PFKFB2: variants seen among roughly 807,000 people sequenced by gnomAD.
The protein encoded by PFKFB2 is 6-phosphofructo-2-kinase/fructose-2,6-bisphosphatase 2.
PFKFB2 carries 53 observed loss-of-function variants against 68.0 expected under a neutral mutation model. The ratio of observed to expected loss-of-function variants is 0.78; its 90% CI spans 0.63 to 0.98. The LOEUF (loss-of-function observed/expected upper bound fraction) is 0.98. Among genes scored for constraint, PFKFB2 ranks in the 50% least tolerant of loss-of-function variants. The probability of loss-of-function intolerance (pLI) is 0.00; values close to 1 mark genes in which losing one functional copy is unlikely to be tolerated. For synonymous variants in PFKFB2, 222 were observed against 227.6 expected (o/e 0.98, Z 0.22); for missense variants, 451 against 642.0 (o/e 0.70, Z 3.22).
In PFKFB2 at chr1:207,070,228, G is replaced by T. The variant is rs1683426886; in HGVS notation, c.1093-52G>T. 7 of 1,607,524 alleles carry T rather than the reference G, an allele frequency of 4.4e-6. No homozygotes were observed. The highest frequency in any genetic ancestry group is 5.9e-6 in the Non-Finnish European group (7 of 1,177,720). The stretch of plus-strand genomic sequence containing the variant: ...TCTCCAAGGTCCAGCCACTGACTTG[G>T]CTGCCAGCTTGCACCTGGGCTCCTG... On this transcript the variant is annotated intron_variant, in intron 11 of 14. Coordinates refer to ENST00000367080, the MANE Select transcript of PFKFB2 (RefSeq NM_006212.2). The surrounding 1 kb of genome is among the most constrained non-coding windows in gnomAD (Gnocchi z 4.2).
chr1:207,037,318 T>A (rs995968330), intron 1 of PFKFB2, among the ~76,000 whole-genome samples: 3 of 152,208 alleles, frequency 2.0e-5, no homozygotes, highest in Non-Finnish European at 2.9e-5. Context: ...CCCTCAGTTA[T>A]CCTTGGTGGC....
intron 7 of PFKFB2, among the ~76,000 whole-genome samples, chr1:207,064,346 C>T (rs989418910): frequency 1.3e-5 from 2 of 151,274 alleles, no homozygotes; most frequent in Admixed American, 6.6e-5. Context: ...GTTGAGGCTG[C>T]AGTGAGCCAT....
At chr1:207,054,207 G>C (rs925708270) in intron 1 of PFKFB2, among the ~76,000 whole-genome samples, 19 of 151,944 alleles carry the variant, frequency 1.3e-4, no homozygotes, top group African/African-American at 4.4e-4. Flanking sequence ...CGGCCTCACT[G>C]TTTGCAAAAC....
chr1:207,068,707 C>T (rs147849043), intron 10 of PFKFB2, among the ~76,000 whole-genome samples: 31 of 152,068 alleles, frequency 2.0e-4, no homozygotes, highest in African/African-American at 7.5e-4. Flanking sequence ...CAAAATTTCT[C>T]TTGGCTTTCT....
chr1:207,052,141 C>T (rs1258187472), upstream of PFKFB2: 3 of 1,593,588 alleles, frequency 1.9e-6, no homozygotes, highest in South Asian at 3.3e-5. Context: ...AACGGGCCCG[C>T]TGGGGCAACT....
chr1:207,072,202 A>G lies in PFKFB2; in HGVS notation c.1351-2A>G. On this transcript the variant is annotated splice_acceptor_variant, in intron 14 of 14. Transcript: ENST00000367080. LOFTEE classifies it high-confidence loss of function. ...GTGTGGTGTCACTCCATTTCCAATC[A>G]GAACAACTTCCCCAAGAACCAAACC... 6.2e-7 allele frequency: 1 copy of G among 1,613,270 alleles called. No individual in the cohort carries two copies. Among genetic ancestry groups the G allele is most frequent in the Non-Finnish European group, 8.5e-7 (1 of 1,179,626 alleles).
upstream of PFKFB2, chr1:207,048,576 G>A (rs930012653): frequency 1.3e-5 from 2 of 159,140 alleles, no homozygotes; most frequent in Non-Finnish European, 2.8e-5. Flanking sequence ...TACCCAAAAT[G>A]TGATGCTTTC....
At chr1:207,071,710 T>G (rs767630809) in intron 14 of PFKFB2, 137 bp downstream of exon 14, 4 of 650,354 alleles carry the variant, frequency 6.2e-6, no homozygotes, top group Non-Finnish European at 1.1e-5. Context: ...TGTAGTTTGC[T>G]ACGTCTGAAA....
chr1:207,056,358 T>C lies in PFKFB2; in HGVS notation c.85+1556T>C, dbSNP rs949592631. 4.7e-5 allele frequency among the ~76,000 whole-genome samples: 7 copies of C among 150,344 alleles called. No homozygotes were observed. In the East Asian group the frequency reaches 1.4e-3, roughly 29 times the overall value. On this transcript the variant is annotated intron_variant, in intron 2 of 14. Transcript: ENST00000367080. Reference sequence around the variant, plus strand: ...TTTCTTCTCTTATTTGACAATATTGTAACCCAGATTTGGGGATCTAGGATG... The same window carrying C: ...TTTCTTCTCTTATTTGACAATATTGCAACCCAGATTTGGGGATCTAGGATG...
upstream of PFKFB2, among the ~76,000 whole-genome samples, chr1:207,050,294 G>C (rs1265680297): frequency 6.6e-6 from 1 of 151,642 alleles, no homozygotes; most frequent in African/African-American, 2.4e-5. Flanking sequence ...CTGCAAAAAT[G>C]AATCAAGAAA....
chr1:207,075,729 G>C lies in PFKFB2; in HGVS notation c.*3358G>C, dbSNP rs765738749. The C allele has an allele frequency of 1.3e-5, 13 of 973,768 alleles. No homozygotes were observed. The highest frequency in any genetic ancestry group is 1.6e-5 in the Non-Finnish European group (13 of 819,294). 60.3% of individuals were successfully genotyped at this position (973,768 alleles called of 1,614,324 possible). On this transcript the variant is annotated 3_prime_UTR_variant, in exon 15 of 15. Coordinates refer to ENST00000367080, the MANE Select transcript of PFKFB2 (RefSeq NM_006212.2). The stretch of plus-strand genomic sequence containing the variant: ...ACTTGAGACCAGCCTGGGCAATATA[G>C]TGAGACCTCACCTCTAAAAAAGTTT...
At chr1:207,066,834 A>T (rs1211947182) in intron 8 of PFKFB2, among the ~76,000 whole-genome samples, 2 of 152,096 alleles carry the variant, frequency 1.3e-5, no homozygotes, top group East Asian at 3.9e-4. Context: ...TTTTATTTTT[A>T]GTAGAGATGG....
chr1:207,055,107 C>T lies in PFKFB2; in HGVS notation c.85+305C>T, dbSNP rs116151410. Among the ~76,000 whole-genome samples the T allele has an allele frequency of 8.0e-3, 1,214 of 152,278 alleles. 17 individuals are homozygous for T. Among genetic ancestry groups the T allele is most frequent in the African/African-American group, 0.028 (1,146 of 41,542 alleles). On this transcript the variant is annotated intron_variant, in intron 2 of 14. Coordinates refer to ENST00000367080, the MANE Select transcript of PFKFB2 (RefSeq NM_006212.2). ...GGAAGTTAGAACTAACATTATTGTA[C>T]ACACAATGAGTAAGGCACAGTTGCA...
Position 207,070,311 on chromosome 1 carries a change from C to T in PFKFB2, c.1124C>T (p.Pro375Leu). 1 of 1,613,716 alleles carries T rather than the reference C, an allele frequency of 6.2e-7. No homozygotes were observed. Among genetic ancestry groups the T allele is most frequent in the Non-Finnish European group, 8.5e-7 (1 of 1,179,994 alleles). ...SYQDLVQRLEPVIMELERQGN... is the reference protein window; with the variant it reads ...SYQDLVQRLELVIMELERQGN... ...CAGGACCTGGTGCAGCGGCTGGAGC[C>T]TGTCATCATGGAGCTGGAACGTCAG... Residue 375 changes from proline to leucine, a missense_variant, in exon 12 of 15, where the codon CCT becomes CTT. Physicochemically the swap from Pro to Leu is moderately conservative, Grantham distance 98. Coordinates refer to ENST00000367080, the MANE Select transcript of PFKFB2 (RefSeq NM_006212.2). The surrounding 1 kb of genome is among the most constrained non-coding windows in gnomAD (Gnocchi z 4.2).
downstream of PFKFB2, chr1:207,077,841 T>A: frequency 2.0e-6 from 2 of 981,242 alleles, no homozygotes; most frequent in Non-Finnish European, 2.4e-6. Context: ...GGGTTTTTTG[T>A]TTAGTATTTT....
intron 9 of PFKFB2, 68 bp from the exon 10 acceptor site, chr1:207,068,095 A>AGTGTGTTTGT: frequency 5.5e-6 from 6 of 1,093,578 alleles, no homozygotes; most frequent in Non-Finnish European, 7.9e-6. Context: ...GTGTGTGTTG[A>AGTGTGTTTGT]GTGTGTGTGT....
Position 207,063,139 on chromosome 1 carries a change from G to T in PFKFB2, c.309-4G>T. 1.2e-6 allele frequency: 2 copies of T among 1,613,184 alleles called. No individual in the cohort carries two copies. Among genetic ancestry groups the T allele is most frequent in the South Asian group, 2.2e-5 (2 of 91,062 alleles). On this transcript the variant is annotated splice_polypyrimidine_tract_variant and splice_region_variant and intron_variant, in intron 4 of 14. Transcript: ENST00000367080. The surrounding 1 kb of genome is among the most constrained non-coding windows in gnomAD (Gnocchi z 4.1). ...CTTGCTGGTTTCATTTGCTCTTATGGCAGACAGTGTGCTCTGGTGGCGCTG... is the reference window on the plus strand; with the variant it reads ...CTTGCTGGTTTCATTTGCTCTTATGTCAGACAGTGTGCTCTGGTGGCGCTG...
At chr1:207,068,138 C>T in intron 9 of PFKFB2, 25 bp from the exon 10 acceptor site, 2 of 1,519,040 alleles carry the variant, frequency 1.3e-6, no homozygotes, top group East Asian at 2.3e-5. Context: ...TCTTTTTACC[C>T]TTAATTTTCA....
rs1364939239 is a variant in PFKFB2 at position 207,077,785 on chromosome 1, G to A, written c.*5414G>A. The A allele has an allele frequency of 3.0e-6, 3 of 985,644 alleles. No individual in the cohort carries two copies. The highest frequency in any genetic ancestry group is 3.6e-6 in the Non-Finnish European group (3 of 829,870). 61.1% of individuals were successfully genotyped at this position (985,644 alleles called of 1,614,324 possible). ...GTTTTTGTGTGCGTGTGTGTAGAAT[G>A]GGTAAATAAAATTGTTGAGTAACTT... On this transcript the variant is annotated 3_prime_UTR_variant, in exon 15 of 15. Transcript: ENST00000367080.
Sources: allele counts gnomAD v4.1 joint callset (sites outside exome capture counted in the v4.1 genomes callset), GRCh38; gene constraint gnomAD v4.1.1; non-coding constraint Gnocchi (gnomAD v3.1); transcripts MANE v1.5; gene names NCBI Gene and HGNC (gene_info 2026-07-23, HGNC 2026-07-21).